The following MAP3K20 variants were observed in gnomAD, a reference collection of about 807,000 sequenced individuals.
MAP3K20 encodes HCCS-4.
A neutral mutation model predicts 85.7 loss-of-function variants in MAP3K20; 40 were observed. That is an observed-to-expected ratio of 0.47 (90% CI 0.36 to 0.61). The LOEUF is 0.61. Among genes scored for constraint, MAP3K20 ranks in the 20% least tolerant of loss-of-function variants. MAP3K20 has a pLI of 0.00. For synonymous variants in MAP3K20, 325 were observed against 327.7 expected, an observed-to-expected ratio of 0.99 and a Z score of 0.09; for missense variants, 817 against 961.7, an observed-to-expected ratio of 0.85 and a Z score of 1.99.
intron 9 of MAP3K20, among the ~76,000 whole-genome samples, chr2:173,204,878 C>T (rs983083570): frequency 3.3e-5 from 5 of 151,954 alleles, no homozygotes; most frequent in East Asian, 3.9e-4. Context: ...CAGAGGCAGG[C>T]GGATCATGAG....
intron 2 of MAP3K20, among the ~76,000 whole-genome samples, chr2:173,142,597 T>C (rs139956828): frequency 2.8e-4 from 42 of 152,174 alleles, no homozygotes; most frequent in Non-Finnish European, 4.1e-4. Flanking sequence ...AAATATATGT[T>C]GAATTCTTAG....
intron 9 of MAP3K20, 28 bp downstream of exon 9, chr2:173,203,898 T>C (rs1475201933): frequency 9.4e-6 from 15 of 1,596,628 alleles, no homozygotes; most frequent in Non-Finnish European, 1.1e-5. Flanking sequence ...TGTTATTGTT[T>C]AGAATTCTGA....
At chr2:173,227,354 A>G in intron 11 of MAP3K20, among the ~76,000 whole-genome samples, 1 of 152,182 alleles carries the variant, frequency 6.6e-6, no homozygotes, top group East Asian at 1.9e-4. Flanking sequence ...AAAGGCTTAG[A>G]ACTCATCCTA....
At chr2:173,221,069 TAATTTTG>T in intron 11 of MAP3K20, 4 of 1,269,464 alleles carry the variant, frequency 3.2e-6, no homozygotes, top group Non-Finnish European at 4.2e-6. Flanking sequence ...TAGTGCCAAC[TAATTTTG>T]TGGTATCTAT....
At position 173,079,616 on chromosome 2, in the gene MAP3K20, C is replaced by T. The variant is rs546863926; in HGVS notation, c.-35+3614C>T. Among the ~76,000 whole-genome samples the T allele has an allele frequency of 2.6e-5, 4 of 152,038 alleles. No individual in the cohort carries two copies. The East Asian group carries it at 5.8e-4, about 22-fold the overall frequency. ...ACAGCTATACAAAAATTCTTTATAT[C>T]CTTATTCTGTAAGATTTTTTTTCTA... On this transcript the variant is annotated intron_variant, in intron 1 of 19. Coordinates refer to ENST00000375213, the MANE Select transcript of MAP3K20 (RefSeq NM_016653.3).
At chr2:173,088,663 A>G (rs918915223) in intron 1 of MAP3K20, among the ~76,000 whole-genome samples, 11 of 152,214 alleles carry the variant, frequency 7.2e-5, no homozygotes, top group Non-Finnish European at 1.6e-4. Context: ...ATAATTAACA[A>G]AAATGTAAAC....
chr2:173,253,916 G>T (rs763284750), intron 16 of MAP3K20, among the ~76,000 whole-genome samples: 2 of 151,678 alleles, frequency 1.3e-5, no homozygotes, highest in African/African-American at 4.8e-5. Flanking sequence ...AAGAATAAAG[G>T]CGAAATTAGC....
At chr2:173,259,125 G>A (rs1558915402) in intron 17 of MAP3K20, among the ~76,000 whole-genome samples, 1 of 152,118 alleles carries the variant, frequency 6.6e-6, no homozygotes, top group Non-Finnish European at 1.5e-5. Context: ...TGTGAACGAT[G>A]AAAATATTTA....
At chr2:173,175,183 T>G (rs1489109917) in intron 3 of MAP3K20, among the ~76,000 whole-genome samples, 1 of 152,222 alleles carries the variant, frequency 6.6e-6, no homozygotes, top group Admixed American at 6.5e-5. Flanking sequence ...TTATATATTT[T>G]TCCCCAAACA....
Position 173,152,683 on chromosome 2 carries a change from C to T in MAP3K20, c.160-17122C>T, listed in dbSNP as rs541576621. Among the ~76,000 whole-genome samples the T allele has an allele frequency of 5.3e-5, 8 of 152,152 alleles. No individual in the cohort carries two copies. The South Asian group carries it at 1.2e-3, about 24-fold the overall frequency. On this transcript the variant is annotated intron_variant, in intron 2 of 19. Coordinates refer to ENST00000375213, the MANE Select transcript of MAP3K20 (RefSeq NM_016653.3). The stretch of plus-strand genomic sequence containing the variant: ...AGAAAAACTAGAATTTGGGGTGAGA[C>T]GGTATTTAGAAATAAGGAGATAAAA...
At chr2:173,256,619 T>C (rs1685169358) in intron 16 of MAP3K20, among the ~76,000 whole-genome samples, 1 of 151,770 alleles carries the variant, frequency 6.6e-6, no homozygotes, top group African/African-American at 2.4e-5. Context: ...TTTCCTTTGT[T>C]TATCCCCAAA....
chr2:173,199,434 A>G (rs952728562), intron 8 of MAP3K20, among the ~76,000 whole-genome samples: 4 of 152,194 alleles, frequency 2.6e-5, no homozygotes, highest in East Asian at 1.9e-4. Context: ...GTAATTCCTC[A>G]TGTGCTATTA....
At chr2:173,214,698 T>A (rs1320681824) in intron 10 of MAP3K20, among the ~76,000 whole-genome samples, 1 of 152,234 alleles carries the variant, frequency 6.6e-6, no homozygotes. Context: ...TTTTGGCATA[T>A]GGAAAATTGA....
chr2:173,107,047 A>G (rs1165294729), intron 2 of MAP3K20, among the ~76,000 whole-genome samples: 1 of 152,236 alleles, frequency 6.6e-6, no homozygotes, highest in East Asian at 1.9e-4. Flanking sequence ...CAGGAATAGT[A>G]ATCGGACAAA....
intron 11 of MAP3K20, among the ~76,000 whole-genome samples, chr2:173,220,390 G>A (rs117853417): frequency 6.6e-6 from 1 of 152,174 alleles, no homozygotes; most frequent in South Asian, 2.1e-4. Context: ...AAGAAAACTT[G>A]AATATTAGAG....
At chr2:173,087,143 G>T (rs1687167242) in intron 1 of MAP3K20, among the ~76,000 whole-genome samples, 1 of 152,224 alleles carries the variant, frequency 6.6e-6, no homozygotes, top group Non-Finnish European at 1.5e-5. Flanking sequence ...TGTAGTAGGT[G>T]CTGAGGATCC....
At chr2:173,085,602 T>C (rs6741276) in intron 1 of MAP3K20, among the ~76,000 whole-genome samples, 2,366 of 152,226 alleles carry the variant, frequency 0.016, 59 homozygotes, top group African/African-American at 0.054. Flanking sequence ...TACAGAGTTG[T>C]GATGCCTTAT....
At chr2:173,143,412 C>A (rs1054281165) in intron 2 of MAP3K20, among the ~76,000 whole-genome samples, 5 of 152,014 alleles carry the variant, frequency 3.3e-5, no homozygotes, top group Non-Finnish European at 7.4e-5. Flanking sequence ...TTAAATATCC[C>A]CCCCTAAGCA....
At chr2:173,087,360 T>C (rs1048801033) in intron 1 of MAP3K20, among the ~76,000 whole-genome samples, 4 of 152,132 alleles carry the variant, frequency 2.6e-5, no homozygotes, top group Admixed American at 1.3e-4. Context: ...TGTGTAGAAA[T>C]GTGGAGATGT....
Sources: gnomAD v4.1 joint callset for allele counts (sites outside exome capture counted in the v4.1 genomes callset) on GRCh38, gnomAD v4.1.1 for gene constraint, MANE v1.5 for transcripts, NCBI Gene and HGNC (gene_info 2026-07-23, HGNC 2026-07-21) for gene names.